The following HOXC5 variants were observed in gnomAD, a reference collection of about 807,000 sequenced individuals.
HOXC5 encodes the protein homeobox protein Hox-C5.
HOXC5 carries 19 observed loss-of-function variants against 20.1 expected under a neutral mutation model. The ratio of observed to expected loss-of-function variants is 0.94; its 90% CI spans 0.66 to 1.38. The LOEUF (loss-of-function observed/expected upper bound fraction) is 1.38, where lower values mean the gene tolerates loss of function less well. Ranked by LOEUF, HOXC5 falls within the 40% of genes most tolerant of loss-of-function variation. The pLI, the probability that HOXC5 is intolerant of heterozygous loss-of-function variation, is 0.00. For synonymous variants in HOXC5, 124 were observed against 117.0 expected (o/e 1.06, Z -0.39); for missense variants, 330 against 300.1 (o/e 1.10, Z -0.74).
At chr12:54,023,122 C>T in the HOXC5 span, among the ~76,000 whole-genome samples, 1 of 152,220 alleles carries the variant, frequency 6.6e-6, no homozygotes. Context: ...TCCCCAGGCT[C>T]TCCCCAAGCC....
the HOXC5 span, among the ~76,000 whole-genome samples, chr12:54,026,933 CT>C: frequency 8.6e-4 from 125 of 145,056 alleles, no homozygotes; most frequent in African/African-American, 2.2e-3. Context: ...TTATAGCCAG[CT>C]TTCCCCCCCC....
chr12:54,024,571 C>T, the HOXC5 span, among the ~76,000 whole-genome samples: 2 of 152,150 alleles, frequency 1.3e-5, no homozygotes, highest in African/African-American at 2.4e-5. Context: ...AATATCCCTC[C>T]CCAGGAAATT....
chr12:54,030,281 A>T (rs1940933118), upstream of HOXC5: 1 of 192,518 alleles, frequency 5.2e-6, no homozygotes, highest in Non-Finnish European at 1.1e-5. Context: ...CCAAGTGAGG[A>T]CTTGGCTCCC....
chr12:54,028,537 A>C, upstream of HOXC5: 8 of 1,614,058 alleles, frequency 5.0e-6, no homozygotes, highest in Non-Finnish European at 5.9e-6. Flanking sequence ...TTCCTACTTC[A>C]CTAACCCTTC....
At chr12:54,024,232 G>C in the HOXC5 span, among the ~76,000 whole-genome samples, 6 of 152,224 alleles carry the variant, frequency 3.9e-5, no homozygotes, top group Middle Eastern at 6.8e-3. Flanking sequence ...AGAAAAGTGA[G>C]ACTTGGGGGT....
upstream of HOXC5, chr12:54,032,925 C>A: frequency 1.8e-6 from 1 of 542,002 alleles, no homozygotes; most frequent in Non-Finnish European, 3.2e-6. Context: ...GTCATCAAGC[C>A]AAATTTATGA....
chr12:54,026,763 C>T, the HOXC5 span, among the ~76,000 whole-genome samples: 1 of 152,306 alleles, frequency 6.6e-6, no homozygotes, highest in Admixed American at 6.5e-5. Flanking sequence ...TATTTTTCCC[C>T]CCTAGCGACA....
upstream of HOXC5, among the ~76,000 whole-genome samples, chr12:54,032,343 C>A (rs1941016991): frequency 6.6e-6 from 1 of 152,248 alleles, no homozygotes; most frequent in South Asian, 2.1e-4. Flanking sequence ...CTGTCTACCT[C>A]TTCAGAAGCT....
At chr12:54,018,032 G>A in the HOXC5 span, among the ~76,000 whole-genome samples, 1 of 152,192 alleles carries the variant, frequency 6.6e-6, no homozygotes, top group Non-Finnish European at 1.5e-5. Context: ...TTGGCAATTA[G>A]GGGGGAGGCT....
the HOXC5 span, among the ~76,000 whole-genome samples, chr12:54,024,902 T>C: frequency 6.6e-6 from 1 of 152,260 alleles, no homozygotes; most frequent in African/African-American, 2.4e-5. Flanking sequence ...GTGTTTTGCA[T>C]TGGAGAGGAC....
At chr12:54,028,733 A>T (rs1358133124), upstream of HOXC5, 1 of 1,614,152 alleles carries the variant, frequency 6.2e-7, no homozygotes, top group South Asian at 1.1e-5. Context: ...GGGCCGTATG[A>T]CTATGGATCT....
chr12:54,019,595 G>A, the HOXC5 span, among the ~76,000 whole-genome samples: 1 of 152,086 alleles, frequency 6.6e-6, no homozygotes, highest in African/African-American at 2.4e-5. Context: ...TCCTTTGTCC[G>A]TCCCCGAAAG....
At chr12:54,020,417 G>GCTA in the HOXC5 span, 1 of 152,208 alleles carries the variant, frequency 6.6e-6, no homozygotes, top group African/African-American at 2.4e-5. Flanking sequence ...GGAGAATTGG[G>GCTA]CAGAGCAAAC....
chr12:54,025,136 G>A, the HOXC5 span, among the ~76,000 whole-genome samples: 44,592 of 151,988 alleles, frequency 0.29, 7,373 homozygotes, highest in East Asian at 0.44. Context: ...CTTTAGGCTC[G>A]TTTTATAGAA....
At chr12:54,021,455 C>T in the HOXC5 span, 1 of 152,266 alleles carries the variant, frequency 6.6e-6, no homozygotes, top group African/African-American at 2.4e-5. Flanking sequence ...GGCCTCCTTT[C>T]CCAGCCTTTT....
chr12:54,025,727 C>A, the HOXC5 span, among the ~76,000 whole-genome samples: 2 of 152,140 alleles, frequency 1.3e-5, no homozygotes, highest in African/African-American at 2.4e-5. Flanking sequence ...AAACACTTAA[C>A]TTTCTGGGGC....
chr12:54,029,005 G>GT (rs1565741643), upstream of HOXC5: 4 of 1,317,518 alleles, frequency 3.0e-6, no homozygotes, highest in South Asian at 1.4e-5. Context: ...GGCGGAGAGA[G>GT]TTTTTTATGG....
At chr12:54,019,401 A>C in the HOXC5 span, among the ~76,000 whole-genome samples, 11 of 152,172 alleles carry the variant, frequency 7.2e-5, no homozygotes, top group South Asian at 2.3e-3. Flanking sequence ...AGTCTGTGGG[A>C]CCTGAAAAGG....
the HOXC5 span, among the ~76,000 whole-genome samples, chr12:54,018,128 T>A: frequency 6.7e-6 from 1 of 148,974 alleles, no homozygotes; most frequent in African/African-American, 2.5e-5. Flanking sequence ...GGGTGGGAGG[T>A]GCCCTGCGTT....
Sources: gnomAD v4.1 joint callset for allele counts (sites outside exome capture counted in the v4.1 genomes callset) on GRCh38, gnomAD v4.1.1 for gene constraint, MANE v1.5 for transcripts, NCBI Gene and HGNC (gene_info 2026-07-23, HGNC 2026-07-21) for gene names.